The following DSCAM variants were observed in gnomAD, a reference collection of about 807,000 sequenced individuals.
The protein encoded by DSCAM is DS cell adhesion molecule, also known as cell adhesion molecule DSCAM.
Under a neutral mutation model 217.7 loss-of-function variants are expected in DSCAM, and 47 were observed. That is an observed-to-expected ratio of 0.22 (90% confidence interval 0.17 to 0.28). DSCAM has a LOEUF of 0.28. Ranked by LOEUF, DSCAM falls within the 10% of genes least tolerant of loss-of-function variation. The probability of loss-of-function intolerance (pLI) is 1.00; values close to 1 mark genes in which losing one functional copy is unlikely to be tolerated. For missense variants in DSCAM, 2,080 were observed against 2,618.3 expected (o/e 0.79, Z 4.49); for synonymous variants, 1,056 against 1,015.3 (o/e 1.04, Z -0.76).
chr21:40,224,012 T>C (rs770136240), intron 11 of DSCAM, among the ~76,000 whole-genome samples: 1 of 152,216 alleles, frequency 6.6e-6, no homozygotes, highest in African/African-American at 2.4e-5. Context: ...ATGAATGAAA[T>C]CAGGATGAAG....
At chr21:40,307,677 C>G (rs1433349987) in intron 9 of DSCAM, among the ~76,000 whole-genome samples, 1 of 152,094 alleles carries the variant, frequency 6.6e-6, no homozygotes, top group African/African-American at 2.4e-5. Context: ...AGACTTGGGA[C>G]CAACCCAAAT....
At chr21:40,142,791 C>A (rs1601377597) in intron 17 of DSCAM, 87 bp from the exon 18 acceptor site, 11 of 1,460,612 alleles carry the variant, frequency 7.5e-6, no homozygotes, top group South Asian at 5.7e-5. Context: ...TTTAATATTT[C>A]AATATGCAAG....
chr21:40,168,939 T>C, intron 15 of DSCAM, among the ~76,000 whole-genome samples: 1 of 152,252 alleles, frequency 6.6e-6, no homozygotes. Context: ...GGAATTTGTA[T>C]CATAGGGTTG....
intron 31 of DSCAM, 71 bp downstream of exon 31, chr21:40,044,007 G>A: frequency 6.6e-7 from 1 of 1,515,598 alleles, no homozygotes; most frequent in East Asian, 2.3e-5. Context: ...CCTCCCCAAG[G>A]AGCCCATGAA....
At chr21:40,490,528 AAGG>A (rs999856410) in intron 3 of DSCAM, among the ~76,000 whole-genome samples, 20 of 152,172 alleles carry the variant, frequency 1.3e-4, no homozygotes, top group African/African-American at 4.6e-4. Flanking sequence ...ATGTGAGAGG[AAGG>A]AGGTTAGGGT....
At chr21:40,594,288 G>A (rs543547919) in intron 3 of DSCAM, among the ~76,000 whole-genome samples, 19 of 152,266 alleles carry the variant, frequency 1.2e-4, no homozygotes, top group African/African-American at 4.3e-4. Flanking sequence ...GGTGGGTGGA[G>A]ATTCTGCAAA....
chr21:40,298,033 T>A (rs905928595), intron 9 of DSCAM, among the ~76,000 whole-genome samples: 2 of 152,048 alleles, frequency 1.3e-5, no homozygotes, highest in African/African-American at 4.8e-5. Flanking sequence ...AGATATTAAC[T>A]GCTGTAAGAG....
intron 3 of DSCAM, among the ~76,000 whole-genome samples, chr21:40,591,751 A>G (rs1011386990): frequency 2.6e-5 from 4 of 152,218 alleles, no homozygotes; most frequent in Non-Finnish European, 4.4e-5. Flanking sequence ...TTTTCACTTC[A>G]ATCCCTTAAC....
In DSCAM at chr21:40,816,505, G is replaced by C. The variant is rs557955019; in HGVS notation, c.43+30114C>G. Among the ~76,000 whole-genome samples the C allele has an allele frequency of 5.9e-5, 9 of 152,308 alleles. No individual in the cohort carries two copies. The South Asian group carries it at 1.4e-3, about 25-fold the overall frequency. On this transcript the variant is annotated intron_variant, in intron 1 of 32. Transcript: ENST00000400454. ...GAGGCAGAATTGCTTGAACTCAGGA[G>C]GCAGAGCTTCCAGCGAGCCGAGATT... is the stretch of plus-strand genomic sequence containing the variant.
intron 3 of DSCAM, among the ~76,000 whole-genome samples, chr21:40,369,470 G>T (rs994472603): frequency 6.7e-6 from 1 of 150,114 alleles, no homozygotes; most frequent in South Asian, 2.1e-4. Flanking sequence ...CTACATTAAG[G>T]GTTTTTAGTC....
chr21:40,118,067 A>T (rs75777210), intron 20 of DSCAM, among the ~76,000 whole-genome samples: 2,857 of 152,272 alleles, frequency 0.019, 89 homozygotes, highest in African/African-American at 0.065. Context: ...TAGACAGGAG[A>T]TGCAGCTGGA....
intron 11 of DSCAM, among the ~76,000 whole-genome samples, chr21:40,245,707 G>A (rs75642746): frequency 0.047 from 7,089 of 152,256 alleles, 229 homozygotes; most frequent in Middle Eastern, 0.099. Context: ...GATTGTGTGT[G>A]AGCCTCCCTG....
intron 11 of DSCAM, among the ~76,000 whole-genome samples, chr21:40,243,231 G>A (rs1601476766): frequency 6.6e-6 from 1 of 152,070 alleles, no homozygotes; most frequent in Non-Finnish European, 1.5e-5. Context: ...TAGAATTAAA[G>A]CAGATGTACA....
In DSCAM at chr21:40,696,694, T is replaced by A. The variant is rs1601136850; in HGVS notation, c.362-3738A>T. On this transcript the variant is annotated intron_variant, in intron 2 of 32. Transcript: ENST00000400454. ...TTTAGCCTTCATTCAGTAAAATCTG[T>A]CATCTTTTTAGATCAGAAGAAAAAA... is the stretch of plus-strand genomic sequence containing the variant. Among the ~76,000 whole-genome samples, 4 of 152,266 alleles carry A rather than the reference T, an allele frequency of 2.6e-5. 2 individuals are homozygous for A. The highest frequency in any genetic ancestry group is 5.9e-5 in the Non-Finnish European group (4 of 68,014).
intron 3 of DSCAM, among the ~76,000 whole-genome samples, chr21:40,606,689 C>T (rs2089243660): frequency 6.6e-6 from 1 of 152,218 alleles, no homozygotes; most frequent in African/African-American, 2.4e-5. Context: ...TGCGAGCTCA[C>T]AGCTCAGAGC....
At chr21:40,020,960 G>A (rs1410114485) in intron 32 of DSCAM, among the ~76,000 whole-genome samples, 2 of 152,166 alleles carry the variant, frequency 1.3e-5, no homozygotes, top group Non-Finnish European at 2.9e-5. Flanking sequence ...GGAGAAGGTG[G>A]AGATGGCCAA....
chr21:40,086,152 G>A (rs2089529327), intron 22 of DSCAM, among the ~76,000 whole-genome samples: 1 of 152,152 alleles, frequency 6.6e-6, no homozygotes, highest in Admixed American at 6.5e-5. Context: ...AAATCATACA[G>A]GGGAAACTAA....
intron 1 of DSCAM, among the ~76,000 whole-genome samples, chr21:40,715,850 GAACTAA>G (rs2090836174): frequency 6.6e-6 from 1 of 151,884 alleles, no homozygotes; most frequent in South Asian, 2.1e-4. Flanking sequence ...TGGGTAATTT[GAACTAA>G]GCAAAATTTG....
chr21:40,055,235 G>C (rs1037201082), intron 29 of DSCAM, among the ~76,000 whole-genome samples: 1 of 152,186 alleles, frequency 6.6e-6, no homozygotes, highest in African/African-American at 2.4e-5. Context: ...GCACTGGTGT[G>C]GGGGAAGATA....
Sources: gnomAD v4.1 joint callset for allele counts (sites outside exome capture counted in the v4.1 genomes callset) on GRCh38, gnomAD v4.1.1 for gene constraint, MANE v1.5 for transcripts, NCBI Gene and HGNC (gene_info 2026-07-23, HGNC 2026-07-21) for gene names.